The following UBE3D variants were observed in gnomAD, a reference collection of about 807,000 sequenced individuals.
UBE3D encodes the protein ubiquitin protein ligase E3D, also known as E3 ubiquitin-protein ligase E3D.
Under a neutral mutation model 49.6 loss-of-function variants are expected in UBE3D, and 48 were observed. That is an observed-to-expected ratio of 0.97 (90% CI 0.77 to 1.23). The LOEUF is 1.23. UBE3D is among the 50% of genes most tolerant of loss of function. UBE3D has a pLI of 0.00. For missense variants in UBE3D, 452 were observed against 468.4 expected, an observed-to-expected ratio of 0.96 and a Z score of 0.32; for synonymous variants, 189 against 174.2, an observed-to-expected ratio of 1.08 and a Z score of -0.67.
rs368083039 is a variant in UBE3D at position 82,916,802 on chromosome 6, C to T, written c.1150-23760G>A. Among the ~76,000 whole-genome samples, 17 of 152,176 alleles carry T rather than the reference C, an allele frequency of 1.1e-4. No individual in the cohort carries two copies. In the East Asian group the frequency reaches 1.2e-3, roughly 10 times the overall value. ...CTGAAGGTACAATCACTTTCTGATACGGCAACAAACTAGGGGGTCTTGCAT... is the reference window on the plus strand; with the variant it reads ...CTGAAGGTACAATCACTTTCTGATATGGCAACAAACTAGGGGGTCTTGCAT... On this transcript the variant is annotated intron_variant, in intron 9 of 9. Coordinates refer to ENST00000369747, the MANE Select transcript of UBE3D (RefSeq NM_198920.3).
chr6:83,040,370 C>T (rs555381268), intron 4 of UBE3D, among the ~76,000 whole-genome samples: 24 of 139,580 alleles, frequency 1.7e-4, no homozygotes, highest in African/African-American at 6.6e-4. Context: ...GGCAACAGAG[C>T]GAGACTGACT....
In UBE3D at chr6:83,038,494, C is replaced by T. The variant is rs755723328; in HGVS notation, c.598-9G>A. The T allele has an allele frequency of 3.6e-5, 57 of 1,601,276 alleles. No individual in the cohort carries two copies. The highest frequency in any genetic ancestry group is 4.4e-5 in the Non-Finnish European group (52 of 1,175,862). On this transcript the variant is annotated splice_polypyrimidine_tract_variant and intron_variant, in intron 4 of 9. Coordinates refer to ENST00000369747, the MANE Select transcript of UBE3D (RefSeq NM_198920.3). ...GTATTTGCCTTTGGTTCCTGTAGAA[C>T]AGAAAAATGTCATTTAAATGTCATT...
intron 8 of UBE3D, among the ~76,000 whole-genome samples, chr6:82,968,710 CAG>C (rs1777126453): frequency 3.9e-5 from 6 of 152,104 alleles, no homozygotes; most frequent in African/African-American, 1.4e-4. Context: ...AGTGAACTAA[CAG>C]TTGGGGTTTT....
chr6:83,027,344 G>A (rs1186226687), intron 5 of UBE3D, among the ~76,000 whole-genome samples: 4 of 146,714 alleles, frequency 2.7e-5, no homozygotes, highest in Non-Finnish European at 5.9e-5. Flanking sequence ...GCTGAGGCAG[G>A]AGAATCGCTT....
At chr6:83,003,311 A>C (rs1260767882) in intron 8 of UBE3D, among the ~76,000 whole-genome samples, 8 of 152,102 alleles carry the variant, frequency 5.3e-5, no homozygotes, top group Non-Finnish European at 1.2e-4. Flanking sequence ...TTTTTTCATC[A>C]AAAGAAGGAA....
chr6:83,045,746 A>G (rs1383303601), intron 3 of UBE3D, among the ~76,000 whole-genome samples: 52 of 152,160 alleles, frequency 3.4e-4, no homozygotes, highest in Admixed American at 3.4e-3. Context: ...TAAACTTACT[A>G]TTTTATGGTA....
At chr6:82,893,258 C>A (rs958246647) in intron 9 of UBE3D, among the ~76,000 whole-genome samples, 25 of 151,956 alleles carry the variant, frequency 1.6e-4, no homozygotes, top group Admixed American at 1.4e-3. Context: ...ATGATTCACA[C>A]GCATTTTAAA....
chr6:82,908,494 C>T (rs568018897), intron 9 of UBE3D, among the ~76,000 whole-genome samples: 2 of 152,150 alleles, frequency 1.3e-5, no homozygotes, highest in African/African-American at 2.4e-5. Context: ...TACAATTCAT[C>T]CTTGTAACCA....
intron 8 of UBE3D, among the ~76,000 whole-genome samples, chr6:83,006,417 T>A (rs1480669217): frequency 6.6e-6 from 1 of 152,010 alleles, no homozygotes; most frequent in Non-Finnish European, 1.5e-5. Flanking sequence ...TTAAATGAGG[T>A]CATAAAGATG....
At chr6:82,911,566 A>G (rs898967488) in intron 9 of UBE3D, among the ~76,000 whole-genome samples, 7 of 152,214 alleles carry the variant, frequency 4.6e-5, no homozygotes, top group Non-Finnish European at 8.8e-5. Flanking sequence ...AAAGTTTCCC[A>G]TAGCAACCTT....
intron 1 of UBE3D, among the ~76,000 whole-genome samples, chr6:83,065,395 A>G (rs1784426102): frequency 6.6e-6 from 1 of 152,156 alleles, no homozygotes. Flanking sequence ...TTTTGATTCC[A>G]TAAGTCTGGT....
intron 8 of UBE3D, among the ~76,000 whole-genome samples, chr6:82,981,007 G>C (rs1178375639): frequency 6.6e-6 from 1 of 152,006 alleles, no homozygotes; most frequent in East Asian, 1.9e-4. Flanking sequence ...TTTAATCAAC[G>C]TAGTGATCAT....
At chr6:82,984,972 G>A (rs1480202676) in intron 8 of UBE3D, among the ~76,000 whole-genome samples, 1 of 143,372 alleles carries the variant, frequency 7.0e-6, no homozygotes, top group Non-Finnish European at 1.5e-5. Context: ...AACCACATCT[G>A]ACTGTTTTTA....
intron 8 of UBE3D, among the ~76,000 whole-genome samples, chr6:82,986,542 C>T (rs1778520896): frequency 7.6e-6 from 1 of 131,694 alleles, no homozygotes; most frequent in African/African-American, 2.8e-5. Context: ...TTTCCTCATA[C>T]ATGTTTTTTA....
downstream of UBE3D, among the ~76,000 whole-genome samples, chr6:82,887,665 C>T (rs1256020331): frequency 2.7e-5 from 4 of 150,230 alleles, no homozygotes; most frequent in Admixed American, 2.0e-4. Context: ...GCGAAGATGG[C>T]GCCACTGCAC....
At chr6:82,934,289 A>T (rs887432934) in intron 9 of UBE3D, among the ~76,000 whole-genome samples, 12 of 152,236 alleles carry the variant, frequency 7.9e-5, no homozygotes, top group African/African-American at 2.4e-5. Context: ...TTTATAAATT[A>T]TCCAGCCTAA....
intron 9 of UBE3D, among the ~76,000 whole-genome samples, chr6:82,907,673 T>C (rs970734778): frequency 6.6e-6 from 1 of 152,302 alleles, no homozygotes; most frequent in Admixed American, 6.5e-5. Flanking sequence ...AAATAAAAGA[T>C]TGGCATCACC....
At chr6:82,994,477 C>T (rs1395050363) in intron 8 of UBE3D, among the ~76,000 whole-genome samples, 1 of 152,100 alleles carries the variant, frequency 6.6e-6, no homozygotes, top group Non-Finnish European at 1.5e-5. Flanking sequence ...TGGAGCCAGG[C>T]TCTAGAAGAC....
chr6:82,986,003 T>C (rs1778464157), intron 8 of UBE3D, among the ~76,000 whole-genome samples: 1 of 152,180 alleles, frequency 6.6e-6, no homozygotes, highest in Admixed American at 6.5e-5. Flanking sequence ...CTAACTATTG[T>C]TTCCAAACAA....
Sources: allele counts gnomAD v4.1 joint callset (sites outside exome capture counted in the v4.1 genomes callset), GRCh38; gene constraint gnomAD v4.1.1; transcripts MANE v1.5; gene names NCBI Gene and HGNC (gene_info 2026-07-23, HGNC 2026-07-21).